Variants in AHI1 observed in about 807,000 individuals in gnomAD.
AHI1 encodes the protein jouberin.
AHI1 carries 123 observed loss-of-function variants against 149.3 expected under a neutral mutation model. The ratio of observed to expected loss-of-function variants is 0.82; its 90% CI spans 0.71 to 0.96. The LOEUF (loss-of-function observed/expected upper bound fraction) is 0.96, where lower values mean the gene tolerates loss of function less well. AHI1 is among the 40% of genes least tolerant of loss of function. The probability of loss-of-function intolerance (pLI) is 0.00; values close to 1 mark genes in which losing one functional copy is unlikely to be tolerated. For synonymous variants in AHI1, 475 were observed against 459.8 expected (o/e 1.03, Z -0.42); for missense variants, 1,439 against 1,422.7 (o/e 1.01, Z -0.18).
In AHI1 at chr6:135,314,482, C is replaced by G. The variant is rs138707318; in HGVS notation, c.3426+4037G>C. Among the ~76,000 whole-genome samples the G allele has an allele frequency of 3.0e-3, 461 of 152,316 alleles. 5 individuals carry two copies. The highest frequency in any genetic ancestry group is 0.014 in the Middle Eastern group (4 of 294). On this transcript the variant is annotated intron_variant, in intron 26 of 28. Coordinates refer to ENST00000265602, the MANE Select transcript of AHI1 (RefSeq NM_001134831.2). The stretch of plus-strand genomic sequence containing the variant: ...AGACACAACTAAGACAAGCATTTTC[C>G]TAAATTCTTAAATCTGCTGCTGAAT...
chr6:135,436,910 C>A (rs964477254), intron 15 of AHI1, among the ~76,000 whole-genome samples: 24 of 152,118 alleles, frequency 1.6e-4, no homozygotes, highest in African/African-American at 5.1e-4. Context: ...CCCATTTGAG[C>A]ATATTTCTAA....
At chr6:135,351,903 C>T (rs1792170865) in intron 24 of AHI1, among the ~76,000 whole-genome samples, 2 of 152,264 alleles carry the variant, frequency 1.3e-5, no homozygotes, top group African/African-American at 4.8e-5. Flanking sequence ...TTGTGAAGAA[C>T]CTGCATGCAA....
intron 26 of AHI1, chr6:135,302,808 T>G: frequency 1.6e-6 from 2 of 1,289,024 alleles, no homozygotes; most frequent in South Asian, 1.2e-5. Flanking sequence ...GCTGTTTTGT[T>G]TTATTTTACC....
Position 135,472,912 on chromosome 6 carries a change from AAT to A in AHI1, c.136-5280_136-5279del, listed in dbSNP as rs759420469. ...ACATTGTATCAGATAGTGCTTTAAA[AAT>A]ATTTTATCTAAACCTATAGCTATAA... is the stretch of plus-strand genomic sequence containing the variant. On this transcript the variant is annotated intron_variant, in intron 5 of 28. Transcript: ENST00000265602. Among the ~76,000 whole-genome samples, 186 of 152,320 alleles carry A rather than the reference AAT, an allele frequency of 1.2e-3. 1 individual carries two copies. Among genetic ancestry groups the A allele is most frequent in the South Asian group, 6.8e-3 (33 of 4,826 alleles).
At chr6:135,490,579 A>T (rs1795114332) in intron 5 of AHI1, 44 bp downstream of exon 5, 1 of 1,608,176 alleles carries the variant, frequency 6.2e-7, no homozygotes, top group South Asian at 1.1e-5. Flanking sequence ...TCTGCATTTT[A>T]TGCGCATATG....
At chr6:135,305,741 C>T (rs1784461595) in intron 26 of AHI1, among the ~76,000 whole-genome samples, 1 of 152,186 alleles carries the variant, frequency 6.6e-6, no homozygotes, top group Non-Finnish European at 1.5e-5. Context: ...TTTGATGGCT[C>T]CTTACTACCT....
intron 8 of AHI1, among the ~76,000 whole-genome samples, chr6:135,459,919 C>T (rs1259690396): frequency 3.3e-5 from 5 of 152,110 alleles, no homozygotes; most frequent in East Asian, 1.9e-4. Context: ...CTGTGGGCCG[C>T]GATAGCTCAC....
Position 135,432,792 on chromosome 6 carries a change from C to T in AHI1, c.2266+235G>A, listed in dbSNP as rs2255078. On this transcript the variant is annotated intron_variant, in intron 16 of 28. Coordinates refer to ENST00000265602, the MANE Select transcript of AHI1 (RefSeq NM_001134831.2). ...AGAAATATATTTATGCAATTTGGCACATGACTGGTTGTTATAGCAAAGATT... is the reference window on the plus strand; with the variant it reads ...AGAAATATATTTATGCAATTTGGCATATGACTGGTTGTTATAGCAAAGATT... Among the ~76,000 whole-genome samples the T allele has an allele frequency of 0.77, 117,587 of 152,164 alleles. 49,356 individuals carry two copies. The highest frequency in any genetic ancestry group is 0.91 in the Non-Finnish European group (62,167 of 68,034).
chr6:135,301,007 A>T (rs915390745), intron 26 of AHI1: 2 of 984,834 alleles, frequency 2.0e-6, no homozygotes, highest in African/African-American at 3.5e-5. Context: ...AAGCTCTTTA[A>T]ATCTACAAAA....
chr6:135,285,663 C>T lies in AHI1; in HGVS notation c.3589-16G>A, dbSNP rs201034412. ...CAATTCTTTACTGGAAAGAAAAATA[C>T]ACAAAATGTACTAAATAAACTTGAA... On this transcript the variant is annotated splice_polypyrimidine_tract_variant and intron_variant, in intron 28 of 28. Coordinates refer to ENST00000265602, the MANE Select transcript of AHI1 (RefSeq NM_001134831.2). 217 of 1,597,066 alleles carry T rather than the reference C, an allele frequency of 1.4e-4. No individual in the cohort carries two copies. The highest frequency in any genetic ancestry group is 1.7e-4 in the Non-Finnish European group (202 of 1,168,766).
chr6:135,294,217 T>C (rs1782764675), intron 27 of AHI1, among the ~76,000 whole-genome samples: 1 of 151,982 alleles, frequency 6.6e-6, no homozygotes, highest in African/African-American at 2.4e-5. Flanking sequence ...TCCCAGCTAC[T>C]CAGGAGGCTG....
In AHI1 at chr6:135,470,495, A is replaced by G. The variant is rs1252447446; in HGVS notation, c.136-2861T>C. On this transcript the variant is annotated intron_variant, in intron 5 of 28. Transcript: ENST00000265602. ...TACCCAAAGGAATATATGTCATTCT[A>G]TTATAAAGATACATGCATGCGTATG... is the stretch of plus-strand genomic sequence containing the variant. Among the ~76,000 whole-genome samples the G allele has an allele frequency of 3.3e-5, 5 of 152,210 alleles. No individual in the cohort carries two copies. In the East Asian group the frequency reaches 7.7e-4, roughly 23 times the overall value.
chr6:135,369,026 A>G (rs1582864669), intron 23 of AHI1, among the ~76,000 whole-genome samples: 1 of 152,288 alleles, frequency 6.6e-6, no homozygotes, highest in Middle Eastern at 3.4e-3. Context: ...AGCCCTCCCC[A>G]AGGACTCCTG....
intron 27 of AHI1, among the ~76,000 whole-genome samples, chr6:135,295,109 A>T (rs895799562): frequency 9.2e-5 from 14 of 152,250 alleles, no homozygotes; most frequent in Non-Finnish European, 2.1e-4. Context: ...AATGAGCAAA[A>T]GATTTGAACA....
intron 23 of AHI1, among the ~76,000 whole-genome samples, chr6:135,382,954 T>TATATATATATATATATAC (rs770394314): frequency 1.0e-5 from 1 of 100,050 alleles, no homozygotes; most frequent in African/African-American, 4.3e-5. Context: ...TATATATATA[T>TATATATATATATATATAC]ACATATAAAA....
intron 24 of AHI1, among the ~76,000 whole-genome samples, chr6:135,338,300 C>CAAAAA (rs199794648): frequency 3.2e-5 from 3 of 94,558 alleles, no homozygotes; most frequent in Non-Finnish European, 4.3e-5. Flanking sequence ...AACTCCATCT[C>CAAAAA]AAAAAAAAAA....
intron 28 of AHI1, among the ~76,000 whole-genome samples, chr6:135,289,018 T>C (rs1173734316): frequency 6.6e-6 from 1 of 152,032 alleles, no homozygotes; most frequent in Admixed American, 6.5e-5. Flanking sequence ...TCTCATTTTA[T>C]TGTTTTAATT....
chr6:135,448,558 T>A, intron 11 of AHI1, 83 bp from the exon 12 acceptor site: 1 of 1,105,116 alleles, frequency 9.0e-7, no homozygotes. Flanking sequence ...GTCAGAAACA[T>A]TTTTAAAAGA....
intron 20 of AHI1, among the ~76,000 whole-genome samples, chr6:135,421,389 A>C (rs1175638280): frequency 1.3e-5 from 2 of 152,172 alleles, no homozygotes; most frequent in Non-Finnish European, 2.9e-5. Context: ...AACACCAGTA[A>C]AACGAGGTAT....
Sources: gnomAD v4.1 joint callset for allele counts (sites outside exome capture counted in the v4.1 genomes callset) on GRCh38, gnomAD v4.1.1 for gene constraint, MANE v1.5 for transcripts, NCBI Gene and HGNC (gene_info 2026-07-23, HGNC 2026-07-21) for gene names.